Variants in NECAP2 observed in about 807,000 individuals in gnomAD.
The protein encoded by NECAP2 is NECAP endocytosis associated 2.
NECAP2 carries 38 observed loss-of-function variants against 37.8 expected under a neutral mutation model. The observed-to-expected ratio is 1.01, with a 90% CI of 0.78 to 1.32. The LOEUF (loss-of-function observed/expected upper bound fraction) is 1.32, where lower values mean the gene tolerates loss of function less well. NECAP2 is among the 40% of genes most tolerant of loss of function. The pLI is 0.00. For missense variants in NECAP2, 316 were observed against 334.5 expected, an observed-to-expected ratio of 0.94 and a Z score of 0.43; for synonymous variants, 121 against 127.7, an observed-to-expected ratio of 0.95 and a Z score of 0.35.
chr1:16,447,062 GAAAAA>G (rs57135732), intron 2 of NECAP2, among the ~76,000 whole-genome samples: 3 of 133,266 alleles, frequency 2.3e-5, no homozygotes, highest in Non-Finnish European at 4.8e-5. Context: ...TCCATCTCAG[GAAAAA>G]AAAAAAAAAA....
At chr1:16,457,462 T>C (rs111240700) in intron 7 of NECAP2, among the ~76,000 whole-genome samples, 4 of 151,650 alleles carry the variant, frequency 2.6e-5, no homozygotes, top group African/African-American at 9.7e-5. Flanking sequence ...AAAAAACAAA[T>C]AAACAAACAA....
intron 1 of NECAP2, among the ~76,000 whole-genome samples, chr1:16,442,332 G>A (rs572324657): frequency 6.6e-6 from 1 of 152,276 alleles, no homozygotes; most frequent in South Asian, 2.1e-4. Context: ...CCCAGAGAGC[G>A]AGGTTATGAA....
In NECAP2 at chr1:16,448,053, T is replaced by C. The variant is rs2100953236; in HGVS notation, c.299-7T>C. ...GGAAGGTGGGTTGATCATGTGTTGT[T>C]CCCCAGGGCGACGGGCGTTTATTGG... On this transcript the variant is annotated splice_polypyrimidine_tract_variant and splice_region_variant and intron_variant, in intron 3 of 7. Coordinates refer to ENST00000337132, the MANE Select transcript of NECAP2 (RefSeq NM_018090.5). 2 of 1,614,152 alleles carry C rather than the reference T, an allele frequency of 1.2e-6. No individual in the cohort carries two copies. The highest frequency in any genetic ancestry group is 1.7e-6 in the Non-Finnish European group (2 of 1,179,986).
chr1:16,452,132 C>A, intron 6 of NECAP2, 117 bp downstream of exon 6: 1 of 1,077,068 alleles, frequency 9.3e-7, no homozygotes, highest in Non-Finnish European at 1.3e-6. Context: ...TAGTACCTGT[C>A]CGTGTCAAAG....
chr1:16,454,368 A>G (rs1454246527), intron 6 of NECAP2, among the ~76,000 whole-genome samples: 2 of 135,742 alleles, frequency 1.5e-5, no homozygotes, highest in Non-Finnish European at 3.2e-5. Flanking sequence ...CTACTTATTT[A>G]TTTTTAAGAA....
chr1:16,446,538 G>A (rs1373873107), intron 2 of NECAP2, among the ~76,000 whole-genome samples: 1 of 152,068 alleles, frequency 6.6e-6, no homozygotes, highest in Non-Finnish European at 1.5e-5. Context: ...CTTCAATCTG[G>A]GCAACAGAGC....
In NECAP2 at chr1:16,443,638, G is replaced by A. The variant is rs776678108; in HGVS notation, c.99G>A (p.Ala33=). ...PRATNRGYRA[A]EWQLDQPSWS... is the part of the protein sequence containing the mutation. ...GTGGTGTTTGTCCCCTTAGGGCTGCGGAGTGGCAGCTGGACCAGCCATCAT... is the reference window on the plus strand; with the variant it reads ...GTGGTGTTTGTCCCCTTAGGGCTGCAGAGTGGCAGCTGGACCAGCCATCAT... Residue 33 remains alanine (A), a synonymous_variant, in exon 2 of 8, where the codon GCG becomes GCA. Coordinates refer to ENST00000337132, the MANE Select transcript of NECAP2 (RefSeq NM_018090.5). 158 of 1,609,488 alleles carry A rather than the reference G, an allele frequency of 9.8e-5. No individual in the cohort carries two copies. The highest frequency in any genetic ancestry group is 3.3e-4 in the Middle Eastern group (2 of 6,070).
intron 6 of NECAP2, 148 bp from the exon 7 acceptor site, chr1:16,455,670 A>G: frequency 1.5e-6 from 1 of 646,092 alleles, no homozygotes; most frequent in Non-Finnish European, 2.8e-6. Context: ...GTTGCCCAAA[A>G]GCATGTCTGG....
intron 6 of NECAP2, among the ~76,000 whole-genome samples, chr1:16,452,345 C>T (rs753364463): frequency 9.9e-5 from 15 of 152,180 alleles, no homozygotes; most frequent in Middle Eastern, 3.4e-3. Context: ...TCTCTGCTCA[C>T]GTGTAGTGAG....
At chr1:16,444,824 A>T (rs1057433574) in intron 2 of NECAP2, among the ~76,000 whole-genome samples, 2 of 152,040 alleles carry the variant, frequency 1.3e-5, no homozygotes, top group African/African-American at 2.4e-5. Context: ...ACTTTATTTT[A>T]AAAAATCATT....
At position 16,447,873 on chromosome 1, in the gene NECAP2, A is replaced by G. The variant is rs772778544; in HGVS notation, c.197A>G (p.Glu66Gly). The stretch of plus-strand genomic sequence containing the variant: ...TCAGCCTAACCTGTGCTTTCAGGGG[A>G]GCTCTTTGCTCAGGCCCCGGTGGAT... Reference protein sequence around the residue: ...YIKLEDRTSGELFAQAPVDQF... With the variant: ...YIKLEDRTSGGLFAQAPVDQF... Residue 66 changes from glutamate (E) to glycine (G), a missense_variant, in exon 3 of 8, where the codon GAG (glutamate) becomes GGG (glycine). Glu to Gly is a moderately conservative substitution (Grantham distance 98). Coordinates refer to ENST00000337132, the MANE Select transcript of NECAP2 (RefSeq NM_018090.5). 6.2e-7 allele frequency: 1 copy of G among 1,613,750 alleles called. No homozygotes were observed. The highest frequency in any genetic ancestry group is 8.5e-7 in the Non-Finnish European group (1 of 1,179,782).
chr1:16,446,707 C>T (rs2086768702), intron 2 of NECAP2, among the ~76,000 whole-genome samples: 1 of 152,108 alleles, frequency 6.6e-6, no homozygotes, highest in Non-Finnish European at 1.5e-5. Flanking sequence ...CCATGCCTGG[C>T]TTATTTTTGG....
intron 1 of NECAP2, 43 bp from the exon 2 acceptor site, chr1:16,443,589 G>T (rs779110790): frequency 6.8e-7 from 1 of 1,468,648 alleles, no homozygotes; most frequent in East Asian, 2.3e-5. Flanking sequence ...GGGTCACACA[G>T]CAGGAGCCTC....
chr1:16,444,324 C>A (rs1250348723), intron 2 of NECAP2, among the ~76,000 whole-genome samples: 1 of 152,172 alleles, frequency 6.6e-6, no homozygotes, highest in Non-Finnish European at 1.5e-5. Flanking sequence ...ATCCCCCAGC[C>A]GAGACCCCTA....
intron 1 of NECAP2, among the ~76,000 whole-genome samples, chr1:16,441,979 CTTTT>C (rs1275872447): frequency 5.1e-5 from 7 of 136,536 alleles, no homozygotes; most frequent in African/African-American, 5.4e-5. Flanking sequence ...CCTGTTGGGT[CTTTT>C]TTTTTTTTTT....
At chr1:16,456,416 T>C (rs2086920592) in intron 7 of NECAP2, among the ~76,000 whole-genome samples, 1 of 152,194 alleles carries the variant, frequency 6.6e-6, no homozygotes, top group East Asian at 1.9e-4. Flanking sequence ...TTTGCTGCTT[T>C]CCAGTGCTAT....
At position 16,455,841 on chromosome 1, in the gene NECAP2, C is replaced by T. The variant is rs766953913; in HGVS notation, c.691C>T (p.Gln231Ter). The change falls in exon 7 of 8, where the codon CAG becomes TAG. Residue 231 changes from glutamine to a stop codon, truncating the protein, a stop_gained. Coordinates refer to ENST00000337132, the MANE Select transcript of NECAP2 (RefSeq NM_018090.5). LOFTEE classifies it high-confidence loss of function. Reference sequence around the variant, plus strand: ...AGGAGGTGCTCCTGTACCCTGGCCACAGCCCAATCCTGCCACTGCTGACAT... The same window carrying T: ...AGGAGGTGCTCCTGTACCCTGGCCATAGCCCAATCCTGCCACTGCTGACAT... ...SSGGAPVPWP[Q>*]PNPATADIWG... 3 of 1,614,012 alleles carry T rather than the reference C, an allele frequency of 1.9e-6. No homozygotes were observed. Among genetic ancestry groups the T allele is most frequent in the Admixed American group, 1.7e-5 (1 of 60,006 alleles).
intron 6 of NECAP2, among the ~76,000 whole-genome samples, chr1:16,453,910 G>A (rs528562709): frequency 6.6e-6 from 1 of 152,290 alleles, no homozygotes; most frequent in East Asian, 1.9e-4. Flanking sequence ...GTTTTCTGGT[G>A]TCTGAGACAG....
intron 7 of NECAP2, 104 bp downstream of exon 7, chr1:16,455,997 A>G: frequency 1.3e-6 from 1 of 778,960 alleles, no homozygotes. Context: ...ATTAGGAGTA[A>G]CAGTTTTAAT....
Sources: allele counts gnomAD v4.1 joint callset (sites outside exome capture counted in the v4.1 genomes callset), GRCh38; gene constraint gnomAD v4.1.1; transcripts MANE v1.5; gene names NCBI Gene and HGNC (gene_info 2026-07-23, HGNC 2026-07-21).